Variants in DNAH6 observed in about 807,000 individuals in gnomAD.
DNAH6 encodes dynein axonemal heavy chain 6, also known as axonemal beta dynein heavy chain 6.
DNAH6 carries 340 observed loss-of-function variants against 491.4 expected under a neutral mutation model. That is an observed-to-expected ratio of 0.69 (90% confidence interval 0.63 to 0.76). The LOEUF is 0.76. Ranked by LOEUF, DNAH6 falls within the 30% of genes least tolerant of loss-of-function variation. The pLI is 0.00. For missense variants in DNAH6, 4,443 were observed against 4,972.2 expected (o/e 0.89, Z 3.20); for synonymous variants, 1,603 against 1,686.1 (o/e 0.95, Z 1.21).
At chr2:84,614,341 AG>A (rs1354891555) in intron 22 of DNAH6, among the ~76,000 whole-genome samples, 1 of 152,102 alleles carries the variant, frequency 6.6e-6, no homozygotes, top group Non-Finnish European at 1.5e-5. Flanking sequence ...AAATCAATTC[AG>A]GTTGCTGCAA....
intron 63 of DNAH6, among the ~76,000 whole-genome samples, chr2:84,757,827 C>T (rs1440134416): frequency 6.6e-6 from 1 of 152,120 alleles, no homozygotes; most frequent in Admixed American, 6.5e-5. Context: ...CACCTTCCAC[C>T]TTCCTGAGAG....
chr2:84,720,513 C>T lies in DNAH6; in HGVS notation c.9793-2112C>T, dbSNP rs1031831819. Among the ~76,000 whole-genome samples, 50 of 151,720 alleles carry T rather than the reference C, an allele frequency of 3.3e-4. 1 individual carries two copies. The South Asian group carries it at 3.5e-3, about 11-fold the overall frequency. ...TGGGATGGTCTTGATCTCCTGACCT[C>T]GTGATCCGCCCGCCTCGGCCTCCCA... On this transcript the variant is annotated intron_variant, in intron 59 of 76. Coordinates refer to ENST00000389394, the MANE Select transcript of DNAH6 (RefSeq NM_001370.2).
At chr2:84,748,244 C>T (rs1673153187) in intron 63 of DNAH6, among the ~76,000 whole-genome samples, 3 of 152,320 alleles carry the variant, frequency 2.0e-5, no homozygotes, top group Non-Finnish European at 2.9e-5. Context: ...CATAAGCACG[C>T]TACAAATTTT....
At chr2:84,661,709 GT>G (rs1401056658) in intron 37 of DNAH6, among the ~76,000 whole-genome samples, 1 of 152,164 alleles carries the variant, frequency 6.6e-6, no homozygotes, top group Non-Finnish European at 1.5e-5. Context: ...TAAGTTATCA[GT>G]TCTTTCCAAA....
At chr2:84,781,743 T>C in intron 65 of DNAH6, 90 bp downstream of exon 65, 3 of 1,381,072 alleles carry the variant, frequency 2.2e-6, no homozygotes, top group Non-Finnish European at 2.9e-6. Flanking sequence ...TTCATTATTG[T>C]AGGCACTGTG....
the DNAH6 span, among the ~76,000 whole-genome samples, chr2:84,477,101 A>G: frequency 6.6e-6 from 1 of 152,190 alleles, no homozygotes; most frequent in African/African-American, 2.4e-5. Context: ...AGTTTGAGAG[A>G]GAAAGTGGGA....
At position 84,544,432 on chromosome 2, in the gene DNAH6, A is replaced by G. The variant is rs984910954; in HGVS notation, c.862A>G (p.Asn288Asp). 14 of 1,540,508 alleles carry G rather than the reference A, an allele frequency of 9.1e-6. No individual in the cohort carries two copies. In the Admixed American group the frequency reaches 2.7e-4, roughly 30 times the overall value. Residue 288 changes from asparagine (N) to aspartate (D), a missense_variant, in exon 5 of 77, where the codon AAT becomes GAT. Asn to Asp is a conservative substitution (Grantham distance 23, BLOSUM62 1). Around this residue, in one of 3 missense-constraint regions of DNAH6, gnomAD observed 2,977 missense variants for 3,296.6 expected, o/e 0.90. Coordinates refer to ENST00000389394, the MANE Select transcript of DNAH6 (RefSeq NM_001370.2). ...KWKAFSVWRK[N>D]VRSKKITGCQ... Reference sequence around the variant, plus strand: ...GAAGGCTTTTAGTGTATGGAGGAAGAATGTCCGCTCCAAGAAAATCACTGG... The same window carrying G: ...GAAGGCTTTTAGTGTATGGAGGAAGGATGTCCGCTCCAAGAAAATCACTGG...
At chr2:84,505,004 G>T in the DNAH6 span, among the ~76,000 whole-genome samples, 1 of 152,124 alleles carries the variant, frequency 6.6e-6, no homozygotes, top group Non-Finnish European at 1.5e-5. Context: ...ATGATGCCTT[G>T]CCATTTACAT....
chr2:84,668,820 G>C (rs1485510509), intron 37 of DNAH6, among the ~76,000 whole-genome samples: 8 of 33,946 alleles, frequency 2.4e-4, no homozygotes, highest in African/African-American at 6.5e-4. Flanking sequence ...CTGTGTGTGT[G>C]TGTGTGTGTG....
chr2:84,816,358 C>A (rs556739348), intron 76 of DNAH6, among the ~76,000 whole-genome samples: 2 of 152,084 alleles, frequency 1.3e-5, no homozygotes, highest in Admixed American at 6.6e-5. Flanking sequence ...TTCAAAATGG[C>A]GGCCTGAATA....
rs1420893769 is a variant in DNAH6 at position 84,694,432 on chromosome 2, G to A, written c.7476G>A (p.Met2492Ile). 3 of 1,552,100 alleles carry A rather than the reference G, an allele frequency of 1.9e-6. No individual in the cohort carries two copies. The highest frequency in any genetic ancestry group is 2.0e-5 in the Admixed American group (1 of 51,016). The change falls in exon 46 of 77, where the codon ATG becomes ATA. Residue 2492 changes from methionine to isoleucine, a missense_variant. Met to Ile is a conservative substitution (Grantham distance 10). Transcript: ENST00000389394. ...AAGACCTGAGGAAGTTGTACAAAATGGCTGGTGTAGAAGACAAGAATATGG... is the reference window on the plus strand; with the variant it reads ...AAGACCTGAGGAAGTTGTACAAAATAGCTGGTGTAGAAGACAAGAATATGG... ...FHEDLRKLYKMAGVEDKNMVF... is the reference protein window; with the variant it reads ...FHEDLRKLYKIAGVEDKNMVF...
At chr2:84,640,798 G>A (rs561096446) in intron 32 of DNAH6, among the ~76,000 whole-genome samples, 11 of 152,188 alleles carry the variant, frequency 7.2e-5, no homozygotes, top group South Asian at 2.1e-4. Context: ...GGTTGTCCTC[G>A]ACAGAAAATG....
intron 11 of DNAH6, among the ~76,000 whole-genome samples, chr2:84,565,160 T>C (rs1681058728): frequency 6.6e-6 from 1 of 152,094 alleles, no homozygotes; most frequent in Non-Finnish European, 1.5e-5. Flanking sequence ...TCTTTTTTCA[T>C]TGTGTCTCTG....
At chr2:84,692,780 G>A (rs775783599) in intron 45 of DNAH6, among the ~76,000 whole-genome samples, 4 of 152,022 alleles carry the variant, frequency 2.6e-5, no homozygotes, top group Non-Finnish European at 4.4e-5. Flanking sequence ...ATCTTTTAGG[G>A]AGGCTTTGCA....
intron 72 of DNAH6, among the ~76,000 whole-genome samples, chr2:84,809,425 TA>T (rs1439007091): frequency 1.3e-5 from 2 of 152,124 alleles, no homozygotes; most frequent in Non-Finnish European, 2.9e-5. Flanking sequence ...GCTTGTTGGT[TA>T]GGCGGGTCAG....
At chr2:84,481,704 G>A in the DNAH6 span, among the ~76,000 whole-genome samples, 1 of 152,154 alleles carries the variant, frequency 6.6e-6, no homozygotes, top group African/African-American at 2.4e-5. Flanking sequence ...CCCCATTTGT[G>A]CCTCTTGATG....
chr2:84,785,727 G>T lies in DNAH6; in HGVS notation c.11071G>T (p.Gly3691Cys). ...LGKKWRQIIF[G>C]ICFFHAIIQE... ...AAAAAAATGGAGACAAATAATATTT[G>T]GCATTTGTTTCTTCCATGCAATTAT... The change falls in exon 67 of 77, where the codon GGC becomes TGC. Residue 3691 changes from glycine to cysteine, a missense_variant. This residue lies in a region of DNAH6 where 1,463 missense variants were observed against 1,656.6 expected (regional missense o/e 0.88). Transcript: ENST00000389394. The T allele has an allele frequency of 6.5e-7, 1 of 1,545,010 alleles. No individual in the cohort carries two copies. Among genetic ancestry groups the T allele is most frequent in the Non-Finnish European group, 8.7e-7 (1 of 1,144,548 alleles).
rs140688465 is a variant in DNAH6 at position 84,765,168 on chromosome 2, A to G, written c.10703+2223A>G. Among the ~76,000 whole-genome samples, 1,109 of 152,176 alleles carry G rather than the reference A, an allele frequency of 7.3e-3. 13 individuals carry two copies. Among genetic ancestry groups the G allele is most frequent in the African/African-American group, 0.025 (1,025 of 41,544 alleles). Reference sequence around the variant, plus strand: ...TTGCATGTATTATTTAGGAATTCATATTTTTTTAAAAAGTGTAAAGAAAGG... The same window carrying G: ...TTGCATGTATTATTTAGGAATTCATGTTTTTTTAAAAAGTGTAAAGAAAGG... On this transcript the variant is annotated intron_variant, in intron 64 of 76. Transcript: ENST00000389394.
At chr2:84,724,283 C>G (rs1698425851) in intron 60 of DNAH6, among the ~76,000 whole-genome samples, 1 of 152,222 alleles carries the variant, frequency 6.6e-6, no homozygotes, top group South Asian at 2.1e-4. Context: ...ATAGTCAATG[C>G]TGGCTCACAC....
Sources: allele counts gnomAD v4.1 joint callset (sites outside exome capture counted in the v4.1 genomes callset), GRCh38; gene constraint gnomAD v4.1.1; regional missense constraint gnomAD v4.1.1; transcripts MANE v1.5; gene names NCBI Gene and HGNC (gene_info 2026-07-23, HGNC 2026-07-21).